The following CLEC2D variants were observed in gnomAD, a reference collection of about 807,000 sequenced individuals.
CLEC2D encodes the protein C-type lectin domain family 2 member D, also known as C-type lectin related f.
Under a neutral mutation model 20.0 loss-of-function variants are expected in CLEC2D, and 16 were observed. The observed-to-expected ratio is 0.80, with a 90% CI of 0.54 to 1.22. CLEC2D has a LOEUF of 1.22. Ranked by LOEUF, CLEC2D falls within the 50% of genes most tolerant of loss-of-function variation. The pLI, the probability that CLEC2D is intolerant of heterozygous loss-of-function variation, is 0.00. For synonymous variants in CLEC2D, 77 were observed against 71.1 expected (o/e 1.08, Z -0.42); for missense variants, 207 against 221.5 (o/e 0.93, Z 0.42).
chr12:9,689,020 G>A (rs1259000570), intron 3 of CLEC2D, among the ~76,000 whole-genome samples: 2 of 152,162 alleles, frequency 1.3e-5, no homozygotes, highest in Admixed American at 1.3e-4. Context: ...CCATGTTCTT[G>A]TAATGAATTC....
At position 9,699,505 on chromosome 12, in the gene CLEC2D, C is replaced by T. The variant is rs1040562037; in HGVS notation, c.*4631C>T. On this transcript the variant is annotated 3_prime_UTR_variant, in exon 5 of 5. Transcript: ENST00000290855. ...GCACAATATTATTTTCATGAAATTA[C>T]TTCTAGTATAATTCTGAATAAACAC... 2.0e-5 allele frequency: 3 copies of T among 152,024 alleles called. No homozygotes were observed. Among genetic ancestry groups the T allele is most frequent in the South Asian group, 2.1e-4 (1 of 4,826 alleles). 9.4% of individuals were successfully genotyped at this position (152,024 alleles called of 1,614,324 possible).
intron 2 of CLEC2D, among the ~76,000 whole-genome samples, chr12:9,687,679 T>A (rs1356891109): frequency 6.6e-6 from 1 of 152,230 alleles, no homozygotes; most frequent in African/African-American, 2.4e-5. Context: ...AACTCCTTTT[T>A]CAGCTCACCC....
In CLEC2D at chr12:9,695,207, G is replaced by A. The variant is rs1246192832; in HGVS notation, c.*333G>A. On this transcript the variant is annotated 3_prime_UTR_variant, in exon 5 of 5. Transcript: ENST00000290855. ...GGGAAGCAAAGTCATGTCTTATGTGGTGGCAGGCAGGGGGACTTGTGCACA... is the reference window on the plus strand; with the variant it reads ...GGGAAGCAAAGTCATGTCTTATGTGATGGCAGGCAGGGGGACTTGTGCACA... 1.2e-5 allele frequency: 7 copies of A among 603,566 alleles called. No homozygotes were observed. In the Admixed American group the frequency reaches 1.9e-4, roughly 17 times the overall value. 37.4% of individuals were successfully genotyped at this position (603,566 alleles called of 1,614,324 possible).
chr12:9,674,465 G>A (rs1865484186), intron 1 of CLEC2D, among the ~76,000 whole-genome samples: 1 of 152,208 alleles, frequency 6.6e-6, no homozygotes, highest in African/African-American at 2.4e-5. Context: ...TACCTCAGAT[G>A]GAGATGCAGA....
intron 4 of CLEC2D, 143 bp downstream of exon 4, chr12:9,693,074 A>G (rs1260157445): frequency 1.2e-6 from 2 of 1,613,894 alleles, no homozygotes; most frequent in African/African-American, 1.3e-5. Context: ...GTATGTTGCA[A>G]AGGTTTCACA....
chr12:9,676,987 A>G (rs978362536), intron 1 of CLEC2D, among the ~76,000 whole-genome samples: 1 of 151,906 alleles, frequency 6.6e-6, no homozygotes, highest in African/African-American at 2.4e-5. Context: ...TTTCTGATAT[A>G]GATAATTTGT....
chr12:9,670,386 G>GA (rs1027456109), intron 1 of CLEC2D, among the ~76,000 whole-genome samples: 1 of 152,114 alleles, frequency 6.6e-6, no homozygotes, highest in African/African-American at 2.4e-5. Flanking sequence ...TAAAAGTTTG[G>GA]AGTTTTCTCC....
Position 9,696,108 on chromosome 12 carries a change from T to C in CLEC2D, c.*1234T>C. 1.9e-6 allele frequency: 2 copies of C among 1,065,588 alleles called. No individual in the cohort carries two copies. Among genetic ancestry groups the C allele is most frequent in the East Asian group, 2.3e-5 (1 of 42,574 alleles). The allele number at this position is 1,065,588 out of a possible 1,614,324, so 66.0% of individuals were successfully genotyped here. A position where few individuals can be genotyped will look rare whatever the true frequency, so the allele number is the denominator to read the frequency against. ...ACATTAAAGCAAAAATGCAAGCAAG[T>C]ATAGAAAAACGTGGTTCTCTTCCCA... is the stretch of plus-strand genomic sequence containing the variant. On this transcript the variant is annotated 3_prime_UTR_variant, in exon 5 of 5. Transcript: ENST00000290855.
chr12:9,693,808 T>C (rs866368161), intron 4 of CLEC2D: 3 of 450,304 alleles, frequency 6.7e-6, no homozygotes, highest in Middle Eastern at 4.6e-4. Flanking sequence ...GGTTTTTTGT[T>C]TGTTTGTATT....
In CLEC2D at chr12:9,671,187, G is replaced by A. The variant is rs976658570; in HGVS notation, c.61+1392G>A. ...CAAGAGGTTTGGCCCCACTCTCATG[G>A]AGCTACAGCTCAACTGAATGGAAAG... On this transcript the variant is annotated intron_variant, in intron 1 of 4. Coordinates refer to ENST00000290855, the MANE Select transcript of CLEC2D (RefSeq NM_013269.6). Among the ~76,000 whole-genome samples the A allele has an allele frequency of 2.0e-5, 3 of 152,144 alleles. No individual in the cohort carries two copies. The East Asian group carries it at 5.8e-4, about 29-fold the overall frequency.
chr12:9,693,082 A>G (rs1181893489), intron 4 of CLEC2D, 151 bp downstream of exon 4: 1 of 1,613,918 alleles, frequency 6.2e-7, no homozygotes, highest in African/African-American at 1.3e-5. Context: ...CAAAGGTTTC[A>G]CAAGTTCCTC....
At chr12:9,691,191 A>G (rs1423896520) in intron 3 of CLEC2D, among the ~76,000 whole-genome samples, 1 of 147,640 alleles carries the variant, frequency 6.8e-6, no homozygotes, top group Non-Finnish European at 1.5e-5. Flanking sequence ...TTATGCATTG[A>G]CAAAAATTTT....
rs961478279 is a variant in CLEC2D, at chr12:9,670,033, GTTAAGT to G, written c.61+242_61+247del. On this transcript the variant is annotated intron_variant, in intron 1 of 4. Transcript: ENST00000290855. ...GAAAGATGTAAGACAATGAGATAAG[GTTAAGT>G]TTAGGATTGAAAATAACAGTTAATT... Among the ~76,000 whole-genome samples the G allele has an allele frequency of 9.5e-3, 494 of 51,832 alleles. 4 individuals are homozygous for G. The highest frequency in any genetic ancestry group is 0.023 in the African/African-American group (462 of 20,118). 34.0% of individuals were successfully genotyped at this position (51,832 alleles called of 152,430 possible).
At position 9,696,789 on chromosome 12, in the gene CLEC2D, A is replaced by C. The variant is rs753082077; in HGVS notation, c.*1915A>C. On this transcript the variant is annotated 3_prime_UTR_variant, in exon 5 of 5. Transcript: ENST00000290855. ...ACACAGTTTGGTGCAGCCATTATAG[A>C]AAACGTCATGGAGGTTCCTAAAGAA... The C allele has an allele frequency of 6.6e-6, 1 of 152,504 alleles. No individual in the cohort carries two copies. The highest frequency in any genetic ancestry group is 1.5e-5 in the Non-Finnish European group (1 of 68,204). 9.4% of individuals were successfully genotyped at this position (152,504 alleles called of 1,614,324 possible). A position where few individuals can be genotyped will look rare whatever the true frequency, so the allele number is the denominator to read the frequency against.
At chr12:9,679,042 A>T (rs1173969766) in intron 1 of CLEC2D, among the ~76,000 whole-genome samples, 1 of 152,208 alleles carries the variant, frequency 6.6e-6, no homozygotes, top group Admixed American at 6.5e-5. Context: ...TGAGTACCTT[A>T]TAATAAAAAA....
Position 9,696,752 on chromosome 12 carries a change from CA to C in CLEC2D, c.*1879del, listed in dbSNP as rs1866004064. Reference sequence around the variant, plus strand: ...GTGGAGAAGACGGAACCCTTGTACACAGTTGGTGGGAACACAGTTTGGTGCA... The same window carrying C: ...GTGGAGAAGACGGAACCCTTGTACACGTTGGTGGGAACACAGTTTGGTGCA... On this transcript the variant is annotated 3_prime_UTR_variant, in exon 5 of 5. Coordinates refer to ENST00000290855, the MANE Select transcript of CLEC2D (RefSeq NM_013269.6). The C allele has an allele frequency of 6.5e-6, 1 of 153,292 alleles. No homozygotes were observed. The highest frequency in any genetic ancestry group is 2.4e-5 in the African/African-American group (1 of 41,412). The allele number at this position is 153,292 out of a possible 1,614,324, so 9.5% of individuals were successfully genotyped here. A position where few individuals can be genotyped will look rare whatever the true frequency, so the allele number is the denominator to read the frequency against.
At chr12:9,683,999 A>G (rs536113741) in intron 2 of CLEC2D, among the ~76,000 whole-genome samples, 8 of 151,924 alleles carry the variant, frequency 5.3e-5, no homozygotes, top group Non-Finnish European at 1.0e-4. Flanking sequence ...GATTCTTCCT[A>G]TCTATGAGCA....
chr12:9,669,833 G>C (rs779585997), intron 1 of CLEC2D, 38 bp downstream of exon 1: 1 of 1,506,042 alleles, frequency 6.6e-7, no homozygotes, highest in Non-Finnish European at 9.2e-7. Context: ...TGTGAGGACT[G>C]GAATGGGAAG....
At chr12:9,689,627 T>C (rs375097115) in intron 3 of CLEC2D, among the ~76,000 whole-genome samples, 1 of 151,726 alleles carries the variant, frequency 6.6e-6, no homozygotes, top group Non-Finnish European at 1.5e-5. Context: ...ACATAATAAA[T>C]GAACAAAATT....
Sources: gnomAD v4.1 joint callset for allele counts (sites outside exome capture counted in the v4.1 genomes callset) on GRCh38, gnomAD v4.1.1 for gene constraint, MANE v1.5 for transcripts, NCBI Gene and HGNC (gene_info 2026-07-23, HGNC 2026-07-21) for gene names.